Variants in MAST4 observed in about 807,000 individuals in gnomAD.
MAST4 encodes microtubule associated serine/threonine kinase family member 4, also known as microtubule-associated serine/threonine-protein kinase 4.
Under a neutral mutation model 162.7 loss-of-function variants are expected in MAST4, and 89 were observed. The observed-to-expected ratio is 0.55, with a 90% CI of 0.46 to 0.65. The LOEUF is 0.65. MAST4 is among the 30% of genes least tolerant of loss of function. The pLI is 0.00. For synonymous variants in MAST4, 1,479 were observed against 1,361.1 expected, an observed-to-expected ratio of 1.09 and a Z score of -1.91; for missense variants, 3,153 against 3,374.0, an observed-to-expected ratio of 0.93 and a Z score of 1.62.
chr5:67,012,853 T>C (rs1752855846), intron 4 of MAST4, among the ~76,000 whole-genome samples: 1 of 152,238 alleles, frequency 6.6e-6, no homozygotes, highest in Non-Finnish European at 1.5e-5. Context: ...CATTAATGTC[T>C]ATTGGACATG....
intron 26 of MAST4, among the ~76,000 whole-genome samples, chr5:67,157,886 A>G (rs1351146588): frequency 6.6e-6 from 1 of 152,254 alleles, no homozygotes; most frequent in East Asian, 1.9e-4. Flanking sequence ...TAGAGAATAT[A>G]TATGAAAATG....
At chr5:66,979,804 T>C (rs1307490147) in intron 4 of MAST4, among the ~76,000 whole-genome samples, 2 of 152,216 alleles carry the variant, frequency 1.3e-5, no homozygotes, top group Non-Finnish European at 2.9e-5. Context: ...GAAACAATGG[T>C]TATTGGAGCT....
chr5:67,037,435 T>C (rs554199752), intron 4 of MAST4, among the ~76,000 whole-genome samples: 7 of 152,280 alleles, frequency 4.6e-5, no homozygotes, highest in Admixed American at 6.5e-5. Flanking sequence ...ATCTGTATTA[T>C]GGAGTAGAGT....
intron 1 of MAST4, among the ~76,000 whole-genome samples, chr5:66,671,655 T>C (rs1747620149): frequency 6.6e-6 from 1 of 152,166 alleles, no homozygotes; most frequent in African/African-American, 2.4e-5. Flanking sequence ...GAGAGAATAA[T>C]TTTCCTTCAA....
chr5:67,058,903 A>G (rs1759201137), intron 5 of MAST4, among the ~76,000 whole-genome samples: 2 of 152,270 alleles, frequency 1.3e-5, no homozygotes, highest in African/African-American at 2.4e-5. Context: ...CTATTGCTGT[A>G]GTAACAAATT....
At chr5:67,073,607 AGTGAGTTGGAC>A (rs1761234227) in intron 5 of MAST4, among the ~76,000 whole-genome samples, 1 of 152,238 alleles carries the variant, frequency 6.6e-6, no homozygotes, top group Non-Finnish European at 1.5e-5. Flanking sequence ...CAAATAAATC[AGTGAGTTGGAC>A]CTGACCTACC....
At position 67,149,453 on chromosome 5, in the gene MAST4, T is replaced by G. The variant is rs1388864932; in HGVS notation, c.3159T>G (p.Asp1053Glu). ...GAAGCGAGTGTGTGGACAGTACAGA[T>G]AATTCCTCAAAGCCATCCAGTGAAC... The part of the protein sequence containing the change: ...NGRSECVDST[D>E]NSSKPSSEPA... Residue 1053 changes from aspartate to glutamate, a missense_variant, in exon 24 of 29, where the codon GAT (aspartate) becomes GAG (glutamate). Around this residue, in one of 7 missense-constraint regions of MAST4, gnomAD observed 619 missense variants for 744.2 expected, o/e 0.83. Coordinates refer to ENST00000403625, the MANE Select transcript of MAST4 (RefSeq NM_001164664.2). 1 of 1,613,582 alleles carries G rather than the reference T, an allele frequency of 6.2e-7. No homozygotes were observed. The highest frequency in any genetic ancestry group is 1.7e-5 in the Admixed American group (1 of 59,964).
chr5:66,760,736 T>C (rs1474882600), intron 2 of MAST4, among the ~76,000 whole-genome samples: 2 of 152,218 alleles, frequency 1.3e-5, no homozygotes, highest in Non-Finnish European at 2.9e-5. Context: ...TGTTTAACTT[T>C]ATAAAATTAG....
intron 7 of MAST4, among the ~76,000 whole-genome samples, chr5:67,097,344 C>T (rs1299447357): frequency 6.6e-6 from 1 of 151,990 alleles, no homozygotes; most frequent in Non-Finnish European, 1.5e-5. Context: ...TAGCAACATC[C>T]CCTATCATGT....
chr5:66,684,592 A>G (rs1023827619), intron 1 of MAST4, among the ~76,000 whole-genome samples: 2 of 152,222 alleles, frequency 1.3e-5, no homozygotes, highest in African/African-American at 2.4e-5. Context: ...ATTTGAATAA[A>G]AGTCAGGGTT....
intron 4 of MAST4, among the ~76,000 whole-genome samples, chr5:67,030,360 T>C (rs1353570539): frequency 2.0e-5 from 3 of 152,144 alleles, no homozygotes; most frequent in Non-Finnish European, 4.4e-5. Context: ...TGAACCAGGT[T>C]AGCACTGAAT....
chr5:66,763,592 A>G lies in MAST4; in HGVS notation c.517+3730A>G, dbSNP rs576705872. Among the ~76,000 whole-genome samples the G allele has an allele frequency of 1.2e-3, 189 of 152,344 alleles. 6 individuals carry two copies. In the South Asian group the frequency reaches 0.037, roughly 30 times the overall value. ...AAAATGGAAAACAATTGTAAACATT[A>G]AAGGTCATATTATAAAAAATATGTT... On this transcript the variant is annotated intron_variant, in intron 2 of 28. Coordinates refer to ENST00000403625, the MANE Select transcript of MAST4 (RefSeq NM_001164664.2).
At chr5:67,133,441 G>A in intron 16 of MAST4, 73 bp from the exon 17 acceptor site, 1 of 1,513,610 alleles carries the variant, frequency 6.6e-7, no homozygotes, top group Middle Eastern at 1.7e-4. Flanking sequence ...AACTGAGGGG[G>A]GAAGGGAGGA....
chr5:66,729,051 CA>C, intron 1 of MAST4, among the ~76,000 whole-genome samples: 1 of 152,184 alleles, frequency 6.6e-6, no homozygotes, highest in African/African-American at 2.4e-5. Flanking sequence ...GAAGTCAAAG[CA>C]AAACCACGTA....
intron 4 of MAST4, among the ~76,000 whole-genome samples, chr5:67,031,365 A>T (rs1428405): frequency 0.21 from 31,518 of 151,978 alleles, 3,576 homozygotes; most frequent in Non-Finnish European, 0.25. Flanking sequence ...GACATATTTT[A>T]AGTTCTGTCT....
At chr5:66,626,524 A>G (rs943342209) in intron 1 of MAST4, among the ~76,000 whole-genome samples, 3 of 152,210 alleles carry the variant, frequency 2.0e-5, no homozygotes, top group African/African-American at 7.2e-5. Context: ...GCAATTTAGG[A>G]CAGTAATATC....
At position 66,884,495 on chromosome 5, in the gene MAST4, C is replaced by T. The variant is rs145935273; in HGVS notation, c.643-15456C>T. ...GTCATTCTGTACACCTGGAAAACAT[C>T]TTCTCCACTGTTTCCTGAGAAGGAC... On this transcript the variant is annotated intron_variant, in intron 3 of 28. Coordinates refer to ENST00000403625, the MANE Select transcript of MAST4 (RefSeq NM_001164664.2). Among the ~76,000 whole-genome samples, 1,214 of 152,274 alleles carry T rather than the reference C, an allele frequency of 8.0e-3. 12 individuals are homozygous for T. Among genetic ancestry groups the T allele is most frequent in the South Asian group, 0.02 (95 of 4,822 alleles).
chr5:67,086,344 G>T (rs946549819), intron 5 of MAST4, among the ~76,000 whole-genome samples: 10 of 152,190 alleles, frequency 6.6e-5, no homozygotes, highest in Non-Finnish European at 1.0e-4. Context: ...CAAAGACACA[G>T]GACTTCTCCA....
intron 3 of MAST4, among the ~76,000 whole-genome samples, chr5:66,890,923 G>A (rs543043213): frequency 1.3e-5 from 2 of 152,302 alleles, no homozygotes; most frequent in Admixed American, 6.5e-5. Flanking sequence ...TGCAGTAAAT[G>A]TGAGATGCCA....
Sources: gnomAD v4.1 joint callset for allele counts (sites outside exome capture counted in the v4.1 genomes callset) on GRCh38, gnomAD v4.1.1 for gene constraint, gnomAD v4.1.1 regional missense constraint, MANE v1.5 for transcripts, NCBI Gene and HGNC (gene_info 2026-07-23, HGNC 2026-07-21) for gene names.